LRP5: variants seen among roughly 807,000 people sequenced by gnomAD.
LRP5 encodes the protein LDL receptor related protein 5, also known as low-density lipoprotein receptor-related protein 5.
LRP5 carries 62 observed loss-of-function variants against 154.1 expected under a neutral mutation model. That is an observed-to-expected ratio of 0.40 (90% CI 0.33 to 0.50). The LOEUF (loss-of-function observed/expected upper bound fraction) is 0.50. LRP5 is among the 20% of genes least tolerant of loss of function. The probability of loss-of-function intolerance (pLI) is 0.55; values close to 1 mark genes in which losing one functional copy is unlikely to be tolerated. For missense variants in LRP5, 1,915 were observed against 2,336.7 expected (o/e 0.82, Z 3.72); for synonymous variants, 966 against 1,011.5 (o/e 0.96, Z 0.85).
rs748168729 is a variant in LRP5, at chr11:68,348,242, G to A, written c.487G>A (p.Gly163Arg). The change falls in exon 2 of 23, where the codon GGG (glycine) becomes AGG (arginine). Residue 163 changes from glycine (G) to arginine (R), a missense_variant and splice_region_variant. Around this residue, in one of 3 missense-constraint regions of LRP5, gnomAD observed 773 missense variants for 1,100.9 expected, o/e 0.70. Coordinates refer to ENST00000294304, the MANE Select transcript of LRP5 (RefSeq NM_002335.4). The stretch of plus-strand genomic sequence containing the variant: ...GGCCATCGCCTTGGACCCCGCTCAC[G>A]GGTAAACCCTGCTGCGACTCCACCT... ...PRAIALDPAHGYMYWTDWGET... is the reference protein window; with the variant it reads ...PRAIALDPAHRYMYWTDWGET... 12 of 1,604,604 alleles carry A rather than the reference G, an allele frequency of 7.5e-6. No individual in the cohort carries two copies. The highest frequency in any genetic ancestry group is 5.5e-5 in the South Asian group (5 of 91,088).
chr11:68,446,356 A>G (rs1316317440), intron 21 of LRP5, 80 bp from the exon 22 acceptor site: 3 of 1,015,472 alleles, frequency 3.0e-6, no homozygotes, highest in Non-Finnish European at 4.7e-6. Context: ...CTCTGCAAGG[A>G]AAGCCCGAGG....
chr11:68,342,829 T>TAAACC (rs1191773675), intron 1 of LRP5, among the ~76,000 whole-genome samples: 2 of 152,234 alleles, frequency 1.3e-5, no homozygotes, highest in Non-Finnish European at 2.9e-5. Context: ...GCCGAGAGTG[T>TAAACC]AAACCGTGGT....
At chr11:68,404,227 C>A in intron 8 of LRP5, 1 of 493,270 alleles carries the variant, frequency 2.0e-6, no homozygotes, top group Non-Finnish European at 4.0e-6. Context: ...GAAAAGGTGA[C>A]AGAGTTACAC....
intron 1 of LRP5, among the ~76,000 whole-genome samples, chr11:68,324,308 G>A (rs2098598409): frequency 1.3e-5 from 2 of 152,252 alleles, no homozygotes; most frequent in Admixed American, 1.3e-4. Flanking sequence ...GACCTAGTGG[G>A]GTGGGATAGT....
At chr11:68,414,476 C>G (rs1173456445) in intron 12 of LRP5, among the ~76,000 whole-genome samples, 1 of 152,178 alleles carries the variant, frequency 6.6e-6, no homozygotes, top group South Asian at 2.1e-4. Flanking sequence ...CTGTGGCAGG[C>G]TGGCTCAAGA....
chr11:68,445,213 C>T (rs1261859811), intron 21 of LRP5, among the ~76,000 whole-genome samples: 4 of 152,170 alleles, frequency 2.6e-5, no homozygotes, highest in Non-Finnish European at 5.9e-5. Flanking sequence ...GATTCTCCCA[C>T]CTCAGCCTCC....
In LRP5 at chr11:68,423,671, G is replaced by A; in HGVS notation, c.3210G>A (p.Arg1070=). The change falls in exon 14 of 23, where the codon AGG becomes AGA. Residue 1070 remains arginine, a synonymous_variant. Transcript: ENST00000294304. The surrounding 1 kb of genome is among the most constrained non-coding windows in gnomAD (Gnocchi z 4.7). ...TGCGTGGGGACCGCGACAAGCCCAG[G>A]GCCATCGTCGTCAACGCGGAGCGAG... ...VVLRGDRDKP[R]AIVVNAERGY... 6.2e-7 allele frequency: 1 copy of A among 1,613,388 alleles called. No homozygotes were observed. Among genetic ancestry groups the A allele is most frequent in the Non-Finnish European group, 8.5e-7 (1 of 1,179,922 alleles).
intron 6 of LRP5, among the ~76,000 whole-genome samples, chr11:68,389,648 T>C (rs2153155185): frequency 6.7e-6 from 1 of 150,218 alleles, no homozygotes; most frequent in South Asian, 2.1e-4. Context: ...TGACATCTAC[T>C]GATACTGGCA....
chr11:68,394,327 G>A (rs1442893058), intron 7 of LRP5, among the ~76,000 whole-genome samples: 2 of 152,202 alleles, frequency 1.3e-5, no homozygotes, highest in African/African-American at 4.8e-5. Flanking sequence ...GTCTGGCAAA[G>A]TCAGACAAAG....
chr11:68,409,073 A>AAAAATATATATATATATATATAT (rs2098657548), intron 9 of LRP5, among the ~76,000 whole-genome samples: 3 of 44,176 alleles, frequency 6.8e-5, no homozygotes, highest in African/African-American at 3.9e-4. Flanking sequence ...AAAAAAAAAA[A>AAAAATATATATATATATATATAT]ATATATATAT....
rs190810239 is a variant in LRP5, at chr11:68,363,739, G to A, written c.687-8G>A. The A allele has an allele frequency of 1.5e-3, 2,431 of 1,611,126 alleles. 16 individuals are homozygous for A. In the African/African-American group the frequency reaches 0.022, roughly 15 times the overall value. On this transcript the variant is annotated splice_polypyrimidine_tract_variant and splice_region_variant and intron_variant, in intron 3 of 22. Transcript: ENST00000294304. ...GATGGCTCCTCCACCCCGCTTCCCT[G>A]ACTGCAGGCAGAAGGTGGTGGAGGG...
intron 21 of LRP5, among the ~76,000 whole-genome samples, chr11:68,443,783 C>T (rs1279187629): frequency 1.3e-5 from 2 of 150,482 alleles, no homozygotes; most frequent in African/African-American, 2.4e-5. Context: ...CTTACCTTCC[C>T]GAGTAGCTGG....
chr11:68,345,536 C>T (rs1256298727), intron 1 of LRP5, among the ~76,000 whole-genome samples: 16 of 152,194 alleles, frequency 1.1e-4, no homozygotes. Flanking sequence ...ATCCACCCGC[C>T]TCAGCCTCCC....
intron 9 of LRP5, among the ~76,000 whole-genome samples, chr11:68,407,862 T>C (rs941324469): frequency 1.2e-4 from 18 of 151,522 alleles, no homozygotes; most frequent in African/African-American, 4.4e-4. Context: ...AAAAAAAAGT[T>C]TGATTGGTGT....
At chr11:68,442,706 C>T (rs1482906777) in intron 21 of LRP5, among the ~76,000 whole-genome samples, 1 of 152,218 alleles carries the variant, frequency 6.6e-6, no homozygotes, top group Admixed American at 6.5e-5. Flanking sequence ...GCCGTGTGCA[C>T]CCTGCCTAGA....
At position 68,386,723 on chromosome 11, in the gene LRP5, C is replaced by T. The variant is rs202149761; in HGVS notation, c.1412+11C>T. ...GCACCCCGTGATGGGGTAAGACGGG[C>T]GGGGGCTGGGGCCTGGAGCCAGGGC... On this transcript the variant is annotated intron_variant, in intron 6 of 22. Coordinates refer to ENST00000294304, the MANE Select transcript of LRP5 (RefSeq NM_002335.4). This position sits in a 1 kb window ranked among gnomAD's most constrained non-coding sequence, Gnocchi z 7.9. 2.4e-5 allele frequency: 39 copies of T among 1,609,490 alleles called. No individual in the cohort carries two copies. Among genetic ancestry groups the T allele is most frequent in the Admixed American group, 1.7e-4 (10 of 59,788 alleles).
upstream of LRP5, among the ~76,000 whole-genome samples, chr11:68,309,598 T>A (rs1023155762): frequency 1.8e-4 from 23 of 129,922 alleles, no homozygotes; most frequent in East Asian, 2.9e-3. Flanking sequence ...TTTTTTTTTT[T>A]AATTCTTGGT....
intron 8 of LRP5, chr11:68,404,311 G>A: frequency 1.9e-6 from 1 of 531,222 alleles, no homozygotes; most frequent in Non-Finnish European, 3.7e-6. Flanking sequence ...TCCTGCCGGG[G>A]TCCCACACTG....
intron 17 of LRP5, among the ~76,000 whole-genome samples, chr11:68,431,943 A>G (rs1391187881): frequency 6.6e-6 from 1 of 152,000 alleles, no homozygotes; most frequent in Non-Finnish European, 1.5e-5. Flanking sequence ...ACGTGTATTT[A>G]CCGCACAGGT....
Sources: gnomAD v4.1 joint callset for allele counts (sites outside exome capture counted in the v4.1 genomes callset) on GRCh38, gnomAD v4.1.1 for gene constraint, gnomAD v4.1.1 regional missense constraint, Gnocchi (gnomAD v3.1) non-coding constraint, MANE v1.5 for transcripts, NCBI Gene and HGNC (gene_info 2026-07-23, HGNC 2026-07-21) for gene names.